Variants in ZDHHC21 observed in about 807,000 individuals in gnomAD.
ZDHHC21 encodes zDHHC palmitoyltransferase 21.
In ZDHHC21, 15 loss-of-function variants were observed where a neutral mutation model predicts 34.6. The observed-to-expected ratio is 0.43, with a 90% confidence interval of 0.29 to 0.67. The LOEUF is 0.67. Ranked by LOEUF, ZDHHC21 falls within the 30% of genes least tolerant of loss-of-function variation. The pLI is 0.14. For synonymous variants in ZDHHC21, 142 were observed against 101.8 expected, an observed-to-expected ratio of 1.40 and a Z score of -2.38; for missense variants, 344 against 327.7, an observed-to-expected ratio of 1.05 and a Z score of -0.38.
chr9:14,649,277 AAAT>A (rs1830809063), intron 7 of ZDHHC21, among the ~76,000 whole-genome samples: 1 of 152,126 alleles, frequency 6.6e-6, no homozygotes, highest in African/African-American at 2.4e-5. Flanking sequence ...TAAAAAATAA[AAAT>A]AACAGAAACA....
At chr9:14,687,795 A>G (rs1201294649) in intron 2 of ZDHHC21, among the ~76,000 whole-genome samples, 2 of 151,128 alleles carry the variant, frequency 1.3e-5, no homozygotes, top group East Asian at 3.8e-4. Context: ...TAATATTGCT[A>G]CGCCTGAAAG....
At chr9:14,693,158 G>C (rs2131747760) in intron 1 of ZDHHC21, 71 bp downstream of exon 1, 1 of 242,474 alleles carries the variant, frequency 4.1e-6, no homozygotes, top group East Asian at 1.8e-4. Context: ...CGGGGGCCGG[G>C]GATGGGGGTG....
chr9:14,663,022 A>T (rs1833686226), intron 5 of ZDHHC21, among the ~76,000 whole-genome samples: 1 of 152,192 alleles, frequency 6.6e-6, no homozygotes, highest in Non-Finnish European at 1.5e-5. Context: ...ACCAACTAGC[A>T]ATTTCCTCTA....
chr9:14,659,120 A>G (rs1249999678), intron 6 of ZDHHC21, among the ~76,000 whole-genome samples: 3 of 152,176 alleles, frequency 2.0e-5, no homozygotes, highest in South Asian at 2.1e-4. Flanking sequence ...CCTTCAACTC[A>G]TAACAACTCA....
At position 14,667,163 on chromosome 9, in the gene ZDHHC21, G is replaced by A. The variant is rs1278901515; in HGVS notation, c.254-4837C>T. Among the ~76,000 whole-genome samples the A allele has an allele frequency of 1.9e-3, 254 of 130,814 alleles. 1 individual carries two copies. Among genetic ancestry groups the A allele is most frequent in the Middle Eastern group, 7.6e-3 (2 of 264 alleles). 85.8% of individuals were successfully genotyped at this position (130,814 alleles called of 152,430 possible). A position where few individuals can be genotyped will look rare whatever the true frequency, so the allele number is the denominator to read the frequency against. On this transcript the variant is annotated intron_variant, in intron 5 of 9. Transcript: ENST00000380916. ...ATAGATGCAATAAAAAATGATAAAG[G>A]GGATATCACCACTGATCCCACAGAA... is the stretch of plus-strand genomic sequence containing the variant.
chr9:14,633,437 T>A (rs1006475160), intron 8 of ZDHHC21, among the ~76,000 whole-genome samples: 1 of 152,116 alleles, frequency 6.6e-6, no homozygotes, highest in Non-Finnish European at 1.5e-5. Flanking sequence ...TCAAGACTAA[T>A]GGGAGCTACC....
At chr9:14,627,113 AT>A (rs1483971025) in intron 8 of ZDHHC21, among the ~76,000 whole-genome samples, 1 of 152,132 alleles carries the variant, frequency 6.6e-6, no homozygotes, top group Non-Finnish European at 1.5e-5. Context: ...ATTTGGCAGA[AT>A]ACTAGGCAAA....
the ZDHHC21 span, among the ~76,000 whole-genome samples, chr9:14,599,748 G>C: frequency 1.8e-4 from 28 of 152,196 alleles, no homozygotes; most frequent in African/African-American, 6.5e-4. Flanking sequence ...GTCAACCTGG[G>C]ATGCTCAAGC....
At chr9:14,638,202 G>C (rs182852095) in intron 8 of ZDHHC21, among the ~76,000 whole-genome samples, 4 of 152,082 alleles carry the variant, frequency 2.6e-5, no homozygotes, top group African/African-American at 4.8e-5. Flanking sequence ...CAAGGGAACA[G>C]AATAGAGGAT....
chr9:14,667,665 C>T (rs202072916), intron 5 of ZDHHC21, among the ~76,000 whole-genome samples: 23,867 of 85,336 alleles, frequency 0.28, 3,691 homozygotes, highest in Non-Finnish European at 0.34. Flanking sequence ...ATCAAGTGGG[C>T]TTCATCCCTG....
chr9:14,684,712 C>T (rs1335302280), intron 2 of ZDHHC21, among the ~76,000 whole-genome samples: 1 of 147,356 alleles, frequency 6.8e-6, no homozygotes, highest in Non-Finnish European at 1.5e-5. Context: ...CTTTAAAGCT[C>T]ATATGGAACC....
At chr9:14,670,162 T>C (rs1835200260) in intron 5 of ZDHHC21, among the ~76,000 whole-genome samples, 1 of 152,140 alleles carries the variant, frequency 6.6e-6, no homozygotes, top group African/African-American at 2.4e-5. Context: ...ACTTAAAACA[T>C]AAACACGGTG....
chr9:14,670,856 A>G (rs924025297), intron 5 of ZDHHC21, among the ~76,000 whole-genome samples: 4 of 152,076 alleles, frequency 2.6e-5, no homozygotes, highest in African/African-American at 7.2e-5. Context: ...AGCAAGAAAA[A>G]AAATCCATCC....
At chr9:14,648,804 A>T (rs1415680013) in intron 7 of ZDHHC21, among the ~76,000 whole-genome samples, 1 of 152,092 alleles carries the variant, frequency 6.6e-6, no homozygotes, top group Non-Finnish European at 1.5e-5. Flanking sequence ...AAATAAAAAA[A>T]CTGTGTTTTA....
chr9:14,655,475 T>C (rs1180194697), intron 7 of ZDHHC21, among the ~76,000 whole-genome samples: 1 of 151,946 alleles, frequency 6.6e-6, no homozygotes, highest in Non-Finnish European at 1.5e-5. Context: ...TAACACATAA[T>C]GTATATGTAA....
At chr9:14,677,391 C>G (rs947070403) in intron 3 of ZDHHC21, 2 of 151,934 alleles carry the variant, frequency 1.3e-5, no homozygotes, top group East Asian at 3.9e-4. Context: ...AGACGACAAA[C>G]CACAAATGCA....
At chr9:14,686,471 T>C (rs1393466797) in intron 2 of ZDHHC21, among the ~76,000 whole-genome samples, 2 of 152,168 alleles carry the variant, frequency 1.3e-5, no homozygotes, top group South Asian at 4.1e-4. Flanking sequence ...ACTGAGAATG[T>C]AAAAAATACA....
At chr9:14,663,245 A>G (rs1427278028) in intron 5 of ZDHHC21, among the ~76,000 whole-genome samples, 1 of 152,158 alleles carries the variant, frequency 6.6e-6, no homozygotes, top group African/African-American at 2.4e-5. Context: ...AAATTCTTTT[A>G]ATTTTCATCA....
the ZDHHC21 span, among the ~76,000 whole-genome samples, chr9:14,596,541 C>A: frequency 1.3e-5 from 2 of 152,178 alleles, no homozygotes; most frequent in Non-Finnish European, 2.9e-5. Context: ...GTAGGAAAAG[C>A]AGTGGGGACT....
Sources: allele counts gnomAD v4.1 joint callset (sites outside exome capture counted in the v4.1 genomes callset), GRCh38; gene constraint gnomAD v4.1.1; transcripts MANE v1.5; gene names NCBI Gene and HGNC (gene_info 2026-07-23, HGNC 2026-07-21).